The following CR1L variants were observed in gnomAD, a reference collection of about 807,000 sequenced individuals.
CR1L encodes the protein complement component receptor 1-like protein.
Under a neutral mutation model 62.3 loss-of-function variants are expected in CR1L, and 59 were observed. That is an observed-to-expected ratio of 0.95 (90% CI 0.77 to 1.18). The LOEUF (loss-of-function observed/expected upper bound fraction) is 1.18. Ranked by LOEUF, CR1L falls within the 50% of genes most tolerant of loss-of-function variation. CR1L has a pLI of 0.00. For missense variants in CR1L, 700 were observed against 702.8 expected, an observed-to-expected ratio of 1.00 and a Z score of 0.04; for synonymous variants, 279 against 248.7, an observed-to-expected ratio of 1.12 and a Z score of -1.15.
At chr1:207,673,327 G>T (rs1558015070) in intron 1 of CR1L, among the ~76,000 whole-genome samples, 1 of 152,162 alleles carries the variant, frequency 6.6e-6, no homozygotes, top group African/African-American at 2.4e-5. Flanking sequence ...TTATATTTGT[G>T]TACATATATA....
At chr1:207,687,670 T>C (rs1663933562) in intron 4 of CR1L, among the ~76,000 whole-genome samples, 2 of 152,218 alleles carry the variant, frequency 1.3e-5, no homozygotes, top group Admixed American at 6.5e-5. Flanking sequence ...GCATGAAGGA[T>C]GGTCAGTTTT....
intron 8 of CR1L, among the ~76,000 whole-genome samples, chr1:207,700,592 T>A (rs900880639): frequency 6.6e-6 from 1 of 152,172 alleles, no homozygotes; most frequent in Non-Finnish European, 1.5e-5. Context: ...CTGAATCCAT[T>A]TGGAGTTTTT....
intron 3 of CR1L, among the ~76,000 whole-genome samples, chr1:207,678,738 T>C (rs1318792753): frequency 6.6e-6 from 1 of 152,192 alleles, no homozygotes; most frequent in Non-Finnish European, 1.5e-5. Flanking sequence ...AACAAAGTTT[T>C]TGGAGTTCTG....
intron 1 of CR1L, chr1:207,657,310 A>G: frequency 2.6e-6 from 3 of 1,132,654 alleles, no homozygotes; most frequent in South Asian, 1.2e-5. Context: ...ATGCTGCTCC[A>G]GAGTGTAAAA....
In CR1L at chr1:207,697,815, G is replaced by C. The variant is rs1195464978; in HGVS notation, c.1084G>C (p.Val362Leu). The C allele has an allele frequency of 6.2e-7, 1 of 1,613,860 alleles. No homozygotes were observed. Among genetic ancestry groups the C allele is most frequent in the Non-Finnish European group, 8.5e-7 (1 of 1,179,896 alleles). Reference protein sequence around the residue: ...DFLGQLPNGHVLFPLNLQLGA... With the variant: ...DFLGQLPNGHLLFPLNLQLGA... ...CCTGGGCCAACTTCCTAATGGCCAT[G>C]TGCTATTTCCACTTAATCTCCAGCT... The change falls in exon 7 of 12, where the codon GTG becomes CTG. Residue 362 changes from valine to leucine, a missense_variant. Physicochemically the swap from Val to Leu is conservative, Grantham distance 32. Coordinates refer to ENST00000508064, the MANE Select transcript of CR1L (RefSeq NM_175710.2).
intron 1 of CR1L, among the ~76,000 whole-genome samples, chr1:207,661,535 G>A (rs1663423948): frequency 6.6e-6 from 1 of 152,180 alleles, no homozygotes; most frequent in Non-Finnish European, 1.5e-5. Flanking sequence ...GAGCCTATGT[G>A]TGTCTCTGCA....
At chr1:207,722,606 T>C (rs1023701098) in intron 11 of CR1L, among the ~76,000 whole-genome samples, 3 of 152,134 alleles carry the variant, frequency 2.0e-5, no homozygotes, top group Admixed American at 2.0e-4. Flanking sequence ...CCTTGTAGTA[T>C]AGTTTGAAGT....
chr1:207,715,220 G>A, intron 10 of CR1L: 1 of 709,836 alleles, frequency 1.4e-6, no homozygotes, highest in South Asian at 1.4e-5. Flanking sequence ...AGGAGGAAAT[G>A]GTAGTGAGGA....
At chr1:207,703,356 AG>A (rs1664221399) in intron 9 of CR1L, among the ~76,000 whole-genome samples, 1 of 152,180 alleles carries the variant, frequency 6.6e-6, no homozygotes, top group African/African-American at 2.4e-5. Flanking sequence ...CCATTCTAAA[AG>A]CCCTAGGGCC....
At chr1:207,685,076 G>A (rs1663878488) in intron 4 of CR1L, among the ~76,000 whole-genome samples, 1 of 151,944 alleles carries the variant, frequency 6.6e-6, no homozygotes, top group African/African-American at 2.4e-5. Flanking sequence ...CATGGAATTG[G>A]AATAGGAATT....
chr1:207,706,499 A>G (rs1664269886), intron 9 of CR1L, among the ~76,000 whole-genome samples: 1 of 152,188 alleles, frequency 6.6e-6, no homozygotes, highest in Admixed American at 6.5e-5. Context: ...CAGAAGGGTA[A>G]GCAAATAAGC....
intron 4 of CR1L, among the ~76,000 whole-genome samples, chr1:207,686,475 T>G (rs564140961): frequency 6.6e-6 from 1 of 152,286 alleles, no homozygotes; most frequent in Middle Eastern, 3.4e-3. Flanking sequence ...TGTATCGATG[T>G]AATCATATCT....
intron 1 of CR1L, among the ~76,000 whole-genome samples, chr1:207,646,399 T>A (rs918094731): frequency 3.3e-5 from 5 of 152,080 alleles, no homozygotes; most frequent in African/African-American, 1.2e-4. Context: ...TTTCATTGAA[T>A]GGAATCAATA....
intron 9 of CR1L, among the ~76,000 whole-genome samples, chr1:207,706,045 A>ATATATATATATATATATATAT (rs1571531605): frequency 7.0e-6 from 1 of 141,868 alleles, no homozygotes; most frequent in Non-Finnish European, 1.5e-5. Flanking sequence ...ATATATATAT[A>ATATATATATATATATATATAT]AAACACTGAA....
In CR1L at chr1:207,668,058, T is replaced by C. The variant is rs1663549553; in HGVS notation, c.98-9331T>C. Among the ~76,000 whole-genome samples, 2 of 151,158 alleles carry C rather than the reference T, an allele frequency of 1.3e-5. 1 individual carries two copies. The highest frequency in any genetic ancestry group is 4.9e-5 in the African/African-American group (2 of 40,430). On this transcript the variant is annotated intron_variant, in intron 1 of 11. Transcript: ENST00000508064. The stretch of plus-strand genomic sequence containing the variant: ...GGATGTGGAAAATAGAGACCTCTTA[T>C]ACACTGTTAGGGAATCCAAATTAAT...
chr1:207,665,586 G>T lies in CR1L; in HGVS notation c.98-11803G>T, dbSNP rs1031753587. ...ATTTTTGTATTTTTAATAGAGATGG[G>T]GTTTCACCATGTTGGCCAGGCTGGT... On this transcript the variant is annotated intron_variant, in intron 1 of 11. Coordinates refer to ENST00000508064, the MANE Select transcript of CR1L (RefSeq NM_175710.2). Among the ~76,000 whole-genome samples, 35 of 150,370 alleles carry T rather than the reference G, an allele frequency of 2.3e-4. 1 individual carries two copies. Among genetic ancestry groups the T allele is most frequent in the East Asian group, 5.9e-4 (3 of 5,094 alleles).
At position 207,717,536 on chromosome 1, in the gene CR1L, A is replaced by C; in HGVS notation, c.1487A>C (p.Tyr496Ser). 2 of 1,613,746 alleles carry C rather than the reference A, an allele frequency of 1.2e-6. No homozygotes were observed. The highest frequency in any genetic ancestry group is 1.7e-6 in the Non-Finnish European group (2 of 1,179,698). The change falls in exon 11 of 12, where the codon TAT becomes TCT. Residue 496 changes from tyrosine to serine, a missense_variant. Transcript: ENST00000508064. ...HTGTPLGDIP[Y>S]GKEVSYTCDP... ...GGAACTCCCCTTGGAGATATTCCCT[A>C]TGGAAAAGAAGTATCTTACACATGT...
intron 2 of CR1L, 30 bp from the exon 3 acceptor site, chr1:207,678,168 T>C: frequency 1.2e-6 from 2 of 1,605,992 alleles, no homozygotes; most frequent in Non-Finnish European, 1.7e-6. Flanking sequence ...TTACTCTACT[T>C]GGCTTCAAAT....
chr1:207,682,986 TTCTTTTTTTCTTTCTTTCTTTCTTTTTC>T (rs1663825004), intron 3 of CR1L, among the ~76,000 whole-genome samples: 1 of 144,598 alleles, frequency 6.9e-6, no homozygotes, highest in South Asian at 2.5e-4. Context: ...CTTTCTTTCT[TTCTTTTTTTCTTTCTTTCTTTCTTTTTC>T]TTTCTTTCTT....
Sources: gnomAD v4.1 joint callset for allele counts (sites outside exome capture counted in the v4.1 genomes callset) on GRCh38, gnomAD v4.1.1 for gene constraint, MANE v1.5 for transcripts, NCBI Gene and HGNC (gene_info 2026-07-23, HGNC 2026-07-21) for gene names.